Variants in ZMYM4 observed in about 807,000 individuals in gnomAD.
The protein encoded by ZMYM4 is zinc finger MYM-type containing 4.
In ZMYM4, 31 loss-of-function variants were observed where a neutral mutation model predicts 183.2. The observed-to-expected ratio is 0.17, with a 90% CI of 0.13 to 0.23. ZMYM4 has a LOEUF of 0.23. ZMYM4 is among the 10% of genes least tolerant of loss of function. The pLI is 1.00. For missense variants in ZMYM4, 1,273 were observed against 1,840.3 expected, an observed-to-expected ratio of 0.69 and a Z score of 5.64; for synonymous variants, 592 against 631.2, an observed-to-expected ratio of 0.94 and a Z score of 0.93.
chr1:35,397,058 A>C, intron 19 of ZMYM4: 1 of 1,035,036 alleles, frequency 9.7e-7, no homozygotes, highest in Non-Finnish European at 1.2e-6. Flanking sequence ...CCAGGTACTG[A>C]GTCCTTAAAG....
chr1:35,334,390 A>G (rs2148842976), intron 2 of ZMYM4, among the ~76,000 whole-genome samples: 1 of 152,276 alleles, frequency 6.6e-6, no homozygotes, highest in Admixed American at 6.5e-5. Context: ...TCCCCCATCC[A>G]TTAGTATATA....
intron 1 of ZMYM4, among the ~76,000 whole-genome samples, chr1:35,272,461 C>T (rs1201963184): frequency 6.6e-6 from 1 of 152,020 alleles, no homozygotes; most frequent in African/African-American, 2.4e-5. Flanking sequence ...TTGCTTTTTG[C>T]GTCTGGACAT....
chr1:35,274,750 C>T (rs1013259814), intron 1 of ZMYM4, among the ~76,000 whole-genome samples: 1 of 151,666 alleles, frequency 6.6e-6, no homozygotes, highest in Non-Finnish European at 1.5e-5. Context: ...TATTATAAAC[C>T]CTTAAGTGCC....
At chr1:35,341,120 A>ACCC in intron 2 of ZMYM4, among the ~76,000 whole-genome samples, 2 of 151,548 alleles carry the variant, frequency 1.3e-5, no homozygotes, top group Non-Finnish European at 2.9e-5. Context: ...TTATTTGTAT[A>ACCC]TTTATTTGAA....
In ZMYM4 at chr1:35,309,591, C is replaced by T. The variant is rs370398024; in HGVS notation, c.40-15769C>T. ...CTGTCTCATCTATCTCTTTAAAAACCTTGTAATTGTTTTGTTAGTAGATTT... is the reference window on the plus strand; with the variant it reads ...CTGTCTCATCTATCTCTTTAAAAACTTTGTAATTGTTTTGTTAGTAGATTT... On this transcript the variant is annotated intron_variant, in intron 1 of 29. Coordinates refer to ENST00000314607, the MANE Select transcript of ZMYM4 (RefSeq NM_005095.3). Among the ~76,000 whole-genome samples the T allele has an allele frequency of 5.9e-5, 9 of 152,114 alleles. No homozygotes were observed. In the East Asian group the frequency reaches 7.7e-4, roughly 13 times the overall value.
chr1:35,419,427 T>G (rs1163694579), intron 29 of ZMYM4, 43 bp from the exon 30 acceptor site: 1 of 1,595,106 alleles, frequency 6.3e-7, no homozygotes, highest in East Asian at 2.2e-5. Context: ...CTCTCTGATT[T>G]CTAATTTTCT....
rs779315323 is a variant in ZMYM4 at position 35,386,082 on chromosome 1, G to A, written c.1729G>A (p.Val577Ile). 10 of 1,612,290 alleles carry A rather than the reference G, an allele frequency of 6.2e-6. No individual in the cohort carries two copies. Among genetic ancestry groups the A allele is most frequent in the Admixed American group, 5.0e-5 (3 of 59,860 alleles). Residue 577 changes from valine (V) to isoleucine (I), a missense_variant, in exon 11 of 30, where the codon GTT becomes ATT. Val to Ile is a conservative substitution (Grantham distance 29). Around this residue, in one of 6 missense-constraint regions of ZMYM4, gnomAD observed 319 missense variants for 518.1 expected, o/e 0.62. Coordinates refer to ENST00000314607, the MANE Select transcript of ZMYM4 (RefSeq NM_005095.3). ...VKMVTSAGVQVQCNSCKTSAI... is the reference protein window; with the variant it reads ...VKMVTSAGVQIQCNSCKTSAI... Reference sequence around the variant, plus strand: ...TATTTTGATTTGCTAAGGTGTACAAGTTCAGTGTAACAGTTGTAAAACCTC... The same window carrying A: ...TATTTTGATTTGCTAAGGTGTACAAATTCAGTGTAACAGTTGTAAAACCTC...
rs520060 is a variant in ZMYM4, at chr1:35,369,705, T to C, written c.841-324T>C. Among the ~76,000 whole-genome samples, 1,314 of 152,010 alleles carry C rather than the reference T, an allele frequency of 8.6e-3. 22 individuals are homozygous for C. Among genetic ancestry groups the C allele is most frequent in the African/African-American group, 0.026 (1,063 of 41,542 alleles). ...TTTTATTTATCTAAATTTTCTATAGTGATTGTGTATTACTTTTATAATAAA... is the reference window on the plus strand; with the variant it reads ...TTTTATTTATCTAAATTTTCTATAGCGATTGTGTATTACTTTTATAATAAA... On this transcript the variant is annotated intron_variant, in intron 5 of 29. Transcript: ENST00000314607.
At chr1:35,384,833 TTC>T (rs1644539031) in intron 9 of ZMYM4, among the ~76,000 whole-genome samples, 1 of 145,370 alleles carries the variant, frequency 6.9e-6, no homozygotes, top group South Asian at 2.1e-4. Flanking sequence ...TATTATTTTT[TTC>T]TTTTTCTTTT....
chr1:35,352,384 G>GCACACACA, intron 2 of ZMYM4, among the ~76,000 whole-genome samples: 1 of 108,332 alleles, frequency 9.2e-6, no homozygotes, highest in African/African-American at 4.8e-5. Flanking sequence ...TTAAAAATTA[G>GCACACACA]CGCACACACA....
At chr1:35,322,868 C>T (rs556633140) in intron 1 of ZMYM4, among the ~76,000 whole-genome samples, 3 of 148,256 alleles carry the variant, frequency 2.0e-5, no homozygotes, top group African/African-American at 7.5e-5. Context: ...TTTTTTGTAT[C>T]TTTAATAGAG....
At chr1:35,270,989 C>T (rs1246027411) in intron 1 of ZMYM4, among the ~76,000 whole-genome samples, 3 of 152,044 alleles carry the variant, frequency 2.0e-5, no homozygotes, top group Admixed American at 6.6e-5. Flanking sequence ...GATGGTATGT[C>T]CAAATAGTTT....
chr1:35,321,454 T>C (rs1235739300), intron 1 of ZMYM4, among the ~76,000 whole-genome samples: 2 of 152,128 alleles, frequency 1.3e-5, no homozygotes, highest in African/African-American at 2.4e-5. Flanking sequence ...GCTGGAGCAT[T>C]TGCTTACAGG....
intron 2 of ZMYM4, among the ~76,000 whole-genome samples, chr1:35,352,381 T>A (rs1643654542): frequency 8.8e-5 from 7 of 79,582 alleles, no homozygotes; most frequent in African/African-American, 2.8e-4. Context: ...AATTTAAAAA[T>A]TAGCGCACAC....
chr1:35,334,186 G>A (rs946255821), intron 2 of ZMYM4, among the ~76,000 whole-genome samples: 1 of 152,078 alleles, frequency 6.6e-6, no homozygotes. Context: ...GGGCTTGGGG[G>A]CACATGCCTG....
At chr1:35,334,243 C>T (rs1439522077) in intron 2 of ZMYM4, among the ~76,000 whole-genome samples, 4 of 152,010 alleles carry the variant, frequency 2.6e-5, no homozygotes, top group East Asian at 1.9e-4. Context: ...TGCTTGAGCC[C>T]GGGAGTTCGA....
intron 7 of ZMYM4, among the ~76,000 whole-genome samples, chr1:35,374,977 G>A (rs529861163): frequency 6.6e-6 from 1 of 151,836 alleles, no homozygotes. Flanking sequence ...CTCATGTTTG[G>A]TTTATCCATT....
At chr1:35,341,375 A>G (rs1016267458) in intron 2 of ZMYM4, among the ~76,000 whole-genome samples, 3 of 152,116 alleles carry the variant, frequency 2.0e-5, no homozygotes, top group Admixed American at 6.5e-5. Flanking sequence ...CTTACATACA[A>G]TAAGAACAAT....
intron 25 of ZMYM4, among the ~76,000 whole-genome samples, chr1:35,405,890 G>T (rs2149026986): frequency 6.6e-6 from 1 of 151,742 alleles, no homozygotes; most frequent in South Asian, 2.1e-4. Context: ...CAGGAAATTT[G>T]GTATTACATG....
Sources: gnomAD v4.1 joint callset for allele counts (sites outside exome capture counted in the v4.1 genomes callset) on GRCh38, gnomAD v4.1.1 for gene constraint, gnomAD v4.1.1 regional missense constraint, MANE v1.5 for transcripts, NCBI Gene and HGNC (gene_info 2026-07-23, HGNC 2026-07-21) for gene names.